Variants in PEX6 observed in about 807,000 individuals in gnomAD.
The protein encoded by PEX6 is peroxisome biogenesis factor 6.
PEX6 carries 55 observed loss-of-function variants against 85.6 expected under a neutral mutation model. That is an observed-to-expected ratio of 0.64 (90% CI 0.52 to 0.80). The LOEUF is 0.80. Ranked by LOEUF, PEX6 falls within the 30% of genes least tolerant of loss-of-function variation. PEX6 has a pLI of 0.00. For synonymous variants in PEX6, 519 were observed against 549.1 expected, an observed-to-expected ratio of 0.95 and a Z score of 0.77; for missense variants, 1,099 against 1,260.3, an observed-to-expected ratio of 0.87 and a Z score of 1.94.
Position 42,967,488 on chromosome 6 carries a change from A to C in PEX6, c.1764T>G (p.Pro588=). 1 of 1,610,678 alleles carries C rather than the reference A, an allele frequency of 6.2e-7. No individual in the cohort carries two copies. The highest frequency in any genetic ancestry group is 8.5e-7 in the Non-Finnish European group (1 of 1,178,810). The change falls in exon 8 of 17, where the codon CCT becomes CCG. Residue 588 remains proline (P), a synonymous_variant. Transcript: ENST00000304611. The stretch of plus-strand genomic sequence containing the variant: ...ACAGAGCAGGCACCTCGAGCTCATG[A>C]GGAAATGCTGTCTGCACATCAGCAG... ...DLPADVQTAF[P]HELEVPALSE...
intron 3 of PEX6, among the ~76,000 whole-genome samples, chr6:42,970,817 G>A (rs1179203242): frequency 6.6e-6 from 1 of 152,170 alleles, no homozygotes; most frequent in Admixed American, 6.6e-5. Flanking sequence ...TAGATCTGGG[G>A]TGGGGCTTAG....
At chr6:42,977,654 C>T (rs1311035036) in intron 1 of PEX6, among the ~76,000 whole-genome samples, 1 of 149,592 alleles carries the variant, frequency 6.7e-6, no homozygotes, top group East Asian at 2.0e-4. Flanking sequence ...GTGGCGCGAG[C>T]CAGTAGTAGG....
rs34767122 is a variant in PEX6 at position 42,967,947 on chromosome 6, CTT to C, written c.1688+341_1688+342del. 2.5e-4 allele frequency among the ~76,000 whole-genome samples: 34 copies of C among 136,356 alleles called. No individual in the cohort carries two copies. In the South Asian group the frequency reaches 3.3e-3, roughly 13 times the overall value. The allele number at this position is 136,356 out of a possible 152,430, so 89.5% of individuals were successfully genotyped here. A position where few individuals can be genotyped will look rare whatever the true frequency, so the allele number is the denominator to read the frequency against. On this transcript the variant is annotated intron_variant, in intron 7 of 16. Coordinates refer to ENST00000304611, the MANE Select transcript of PEX6 (RefSeq NM_000287.4). Reference sequence around the variant, plus strand: ...AGGAGGGCTGGCCCCCCCGCTCCCCCTTTTTTTTTTTTTTTTAAGACTGAGTC... The same window carrying C: ...AGGAGGGCTGGCCCCCCCGCTCCCCCTTTTTTTTTTTTTTAAGACTGAGTC...
chr6:42,975,417 A>T (rs1383737881), intron 1 of PEX6, among the ~76,000 whole-genome samples: 2 of 152,202 alleles, frequency 1.3e-5, no homozygotes, highest in African/African-American at 4.8e-5. Flanking sequence ...AGGCTGTGGG[A>T]AAAGCTGAAC....
chr6:42,974,941 G>A lies in PEX6; in HGVS notation c.980C>T (p.Ser327Phe), dbSNP rs753439210. The A allele has an allele frequency of 6.2e-7, 1 of 1,613,872 alleles. No individual in the cohort carries two copies. The highest frequency in any genetic ancestry group is 1.1e-5 in the South Asian group (1 of 91,074). Residue 327 changes from serine (S) to phenylalanine (F), a missense_variant, in exon 2 of 17, where the codon TCT (serine) becomes TTT (phenylalanine). Coordinates refer to ENST00000304611, the MANE Select transcript of PEX6 (RefSeq NM_000287.4). ...TCCATTAGTGCTGTAGTGGGGAGAA[G>A]ACACAATTTCGATGTGTAACTCTCT... is the stretch of plus-strand genomic sequence containing the variant. Reference protein sequence around the residue: ...FARELHIEIVSSPHYSTNGNY... With the variant: ...FARELHIEIVFSPHYSTNGNY...
intron 2 of PEX6, among the ~76,000 whole-genome samples, chr6:42,974,436 T>C (rs1415381129): frequency 1.3e-5 from 2 of 148,234 alleles, no homozygotes; most frequent in Non-Finnish European, 3.0e-5. Context: ...ACAATCTGTC[T>C]GAAATGTTTT....
Position 42,965,030 on chromosome 6 carries a change from T to C in PEX6, c.2666+45A>G, listed in dbSNP as rs745397797. On this transcript the variant is annotated intron_variant, in intron 15 of 16. Transcript: ENST00000304611. This position sits in a 1 kb window ranked among gnomAD's most constrained non-coding sequence, Gnocchi z 5.0. ...GCATGTTGCATGCATCCCCTAAGCA[T>C]CCCAAGGCCCAAGCCCTTCGCAGTC... is the stretch of plus-strand genomic sequence containing the variant. 2 of 1,612,688 alleles carry C rather than the reference T, an allele frequency of 1.2e-6. No individual in the cohort carries two copies. Among genetic ancestry groups the C allele is most frequent in the South Asian group, 2.2e-5 (2 of 91,054 alleles).
chr6:42,974,716 C>T (rs903423552), intron 2 of PEX6, among the ~76,000 whole-genome samples, 159 bp downstream of exon 2: 11 of 151,996 alleles, frequency 7.2e-5, no homozygotes, highest in Admixed American at 1.3e-4. Context: ...CCACCTCGGC[C>T]TCCCAAAGTG....
At chr6:42,973,680 CTA>C (rs1770149546) in intron 3 of PEX6, among the ~76,000 whole-genome samples, 1 of 152,124 alleles carries the variant, frequency 6.6e-6, no homozygotes, top group Non-Finnish European at 1.5e-5. Context: ...TGGCGAAACC[CTA>C]TCTCTACTAA....
At chr6:42,975,743 C>CT (rs1329529171) in intron 1 of PEX6, among the ~76,000 whole-genome samples, 1 of 150,060 alleles carries the variant, frequency 6.7e-6, no homozygotes, top group Admixed American at 6.6e-5. Flanking sequence ...CTTAGTCTCA[C>CT]TTTGTCGCCC....
chr6:42,977,724 G>C (rs1243899217), intron 1 of PEX6, among the ~76,000 whole-genome samples: 1 of 113,606 alleles, frequency 8.8e-6, no homozygotes, highest in Admixed American at 1.2e-4. Context: ...AGCCGAGATC[G>C]CATCACCACA....
intron 1 of PEX6, among the ~76,000 whole-genome samples, chr6:42,976,027 G>A (rs1446234502): frequency 1.3e-5 from 2 of 151,300 alleles, no homozygotes; most frequent in South Asian, 2.1e-4. Context: ...TAGCTGGGAC[G>A]ACAGGCATGT....
intron 3 of PEX6, among the ~76,000 whole-genome samples, chr6:42,972,785 A>G (rs959688091): frequency 2.8e-5 from 4 of 142,928 alleles, no homozygotes; most frequent in Non-Finnish European, 4.6e-5. Context: ...AAAAAAAAAA[A>G]AAAGAGAAAT....
In PEX6 at chr6:42,964,927, A is replaced by T. The variant is rs556718544; in HGVS notation, c.2669T>A (p.Phe890Tyr). The T allele has an allele frequency of 1.2e-6, 2 of 1,614,122 alleles. No homozygotes were observed. Among genetic ancestry groups the T allele is most frequent in the South Asian group, 2.2e-5 (2 of 91,086 alleles). ...CAGGCTCACAGATGGCTCTAGCTTG[A>T]ATCTGTTGTGGGATACAGGAAGAAA... ...LRVLSAITRK[F>Y]KLEPSVSLVN... is the part of the protein sequence containing the mutation. Residue 890 changes from phenylalanine (F) to tyrosine (Y), a missense_variant and splice_region_variant, in exon 16 of 17, where the codon TTC becomes TAC. By Grantham distance (22) the Phe-to-Tyr change is conservative (BLOSUM62 3). Transcript: ENST00000304611. This position sits in a 1 kb window ranked among gnomAD's most constrained non-coding sequence, Gnocchi z 4.6.
In PEX6 at chr6:42,968,334, C is replaced by G; in HGVS notation, c.1644G>C (p.Met548Ile). Residue 548 changes from methionine (M) to isoleucine (I), a missense_variant, in exon 7 of 17, where the codon ATG becomes ATC. Coordinates refer to ENST00000304611, the MANE Select transcript of PEX6 (RefSeq NM_000287.4). ...TGAGGAGGAGGTGACGCAGCACAGC[C>G]ATCACACGGGCATCCTCACCCAGCC... ...RDGLGEDARV[M>I]AVLRHLLLNE... The G allele has an allele frequency of 2.5e-6, 4 of 1,614,168 alleles. No individual in the cohort carries two copies. Among genetic ancestry groups the G allele is most frequent in the Non-Finnish European group, 3.4e-6 (4 of 1,180,038 alleles).
At position 42,968,460 on chromosome 6, in the gene PEX6, A is replaced by G. The variant is rs1434288646; in HGVS notation, c.1518T>C (p.Ala506=). The change falls in exon 7 of 17, where the codon GCT becomes GCC. Residue 506 remains alanine, a synonymous_variant. Transcript: ENST00000304611. Reference sequence around the variant, plus strand: ...AGATGGCCTGCAGTTTTGTCTCCACAGCCCCACTACTTTCTGCACAGAGGC... The same window carrying G: ...AGATGGCCTGCAGTTTTGTCTCCACGGCCCCACTACTTTCTGCACAGAGGC... ...CSSLCAESSG[A]VETKLQAIFS... is the part of the protein sequence containing the mutation. 2 of 1,598,810 alleles carry G rather than the reference A, an allele frequency of 1.3e-6. No individual in the cohort carries two copies. The highest frequency in any genetic ancestry group is 2.7e-5 in the African/African-American group (2 of 74,526).
chr6:42,973,887 A>G, intron 3 of PEX6, 116 bp downstream of exon 3: 1 of 758,396 alleles, frequency 1.3e-6, no homozygotes, highest in Admixed American at 2.0e-5. Context: ...CACACAAAAT[A>G]CATGACAACG....
At chr6:42,967,264 C>G in intron 8 of PEX6, 104 bp downstream of exon 8, 2 of 1,170,590 alleles carry the variant, frequency 1.7e-6, no homozygotes, top group South Asian at 1.3e-5. Flanking sequence ...CCACGGCGCC[C>G]GCGCTGGGTT....
Position 42,966,564 on chromosome 6 carries a change from T to A in PEX6, c.2055A>T (p.Gln685His), listed in dbSNP as rs772618437. ...CGGCCTGGGAGTGAGCTGTCTGCAG[T>A]TGCTCCAGTGCCTGCCCAAAGTCCT... ...LAEDFGQALE[Q>H]LQTAHSQAVG... Residue 685 changes from glutamine (Q) to histidine (H), a missense_variant, in exon 10 of 17, where the codon CAA (glutamine) becomes CAT (histidine). Around this residue, in one of 3 missense-constraint regions of PEX6, gnomAD observed 514 missense variants for 627.0 expected, o/e 0.82. Coordinates refer to ENST00000304611, the MANE Select transcript of PEX6 (RefSeq NM_000287.4). 1.5e-5 allele frequency: 24 copies of A among 1,614,090 alleles called. No homozygotes were observed. In the South Asian group the frequency reaches 2.5e-4, roughly 17 times the overall value.
Sources: allele counts gnomAD v4.1 joint callset (sites outside exome capture counted in the v4.1 genomes callset), GRCh38; gene constraint gnomAD v4.1.1; regional missense constraint gnomAD v4.1.1; non-coding constraint Gnocchi (gnomAD v3.1); transcripts MANE v1.5; gene names NCBI Gene and HGNC (gene_info 2026-07-23, HGNC 2026-07-21).